The following GALNT5 variants were observed in gnomAD, a reference collection of about 807,000 sequenced individuals.
GALNT5 encodes the protein polypeptide N-acetylgalactosaminyltransferase 5, also known as UDP-GalNAc:polypeptide N-acetylgalactosaminyltransferase 5.
In GALNT5, 72 loss-of-function variants were observed where a neutral mutation model predicts 85.4. The observed-to-expected ratio is 0.84, with a 90% CI of 0.70 to 1.03. GALNT5 has a LOEUF of 1.03. Among genes scored for constraint, GALNT5 ranks in the 50% least tolerant of loss-of-function variants. GALNT5 has a pLI of 0.00. For missense variants in GALNT5, 1,137 were observed against 1,135.5 expected, an observed-to-expected ratio of 1.00 and a Z score of -0.02; for synonymous variants, 404 against 397.0, an observed-to-expected ratio of 1.02 and a Z score of -0.21.
rs1462166286 is a variant in GALNT5 at position 157,317,309 on chromosome 2, C to T, written c.*5961C>T. Among the ~76,000 whole-genome samples the T allele has an allele frequency of 6.6e-6, 1 of 151,610 alleles. No individual in the cohort carries two copies. The highest frequency in any genetic ancestry group is 1.5e-5 in the Non-Finnish European group (1 of 67,890). ...ATTTTTAACTCTTTCAGGTGTATAG[C>T]TTTGTCTGCATCTGGCCTTCTGCAC... On this transcript the variant is annotated 3_prime_UTR_variant, in exon 10 of 10. Coordinates refer to ENST00000259056, the MANE Select transcript of GALNT5 (RefSeq NM_014568.3).
At chr2:157,260,711 T>C (rs186148314) in intron 1 of GALNT5, among the ~76,000 whole-genome samples, 1 of 152,344 alleles carries the variant, frequency 6.6e-6, no homozygotes, top group East Asian at 1.9e-4. Context: ...TCAGTGTTAC[T>C]AGGAGGAAGG....
chr2:157,304,794 T>G (rs568045077), intron 7 of GALNT5, among the ~76,000 whole-genome samples: 2 of 152,300 alleles, frequency 1.3e-5, no homozygotes, highest in South Asian at 4.1e-4. Flanking sequence ...GCATGTAAAA[T>G]TGAGGACCAA....
At position 157,317,964 on chromosome 2, in the gene GALNT5, A is replaced by G. The variant is rs1683753907; in HGVS notation, c.*6616A>G. ...ATTGTAGGGGTTATCAGAAACCCAT[A>G]TTCATTGTGGTATGTTTCTGTCTGA... On this transcript the variant is annotated 3_prime_UTR_variant, in exon 10 of 10. Transcript: ENST00000259056. Among the ~76,000 whole-genome samples, 1 of 152,156 alleles carries G rather than the reference A, an allele frequency of 6.6e-6. No homozygotes were observed.
intron 2 of GALNT5, 87 bp downstream of exon 2, chr2:157,284,535 G>T: frequency 7.6e-6 from 7 of 915,240 alleles, no homozygotes; most frequent in South Asian, 1.4e-5. Flanking sequence ...AAAATTATAG[G>T]ATAATTTGAT....
Position 157,308,828 on chromosome 2 carries a change from T to G in GALNT5, c.2682+100T>G, listed in dbSNP as rs1683509580. 5 of 919,752 alleles carry G rather than the reference T, an allele frequency of 5.4e-6. No individual in the cohort carries two copies. In the East Asian group the frequency reaches 1.0e-4, roughly 19 times the overall value. 57.0% of individuals were successfully genotyped at this position (919,752 alleles called of 1,614,324 possible). On this transcript the variant is annotated intron_variant, in intron 9 of 9. Transcript: ENST00000259056. Reference sequence around the variant, plus strand: ...TCACCTTCCTCAGTCAGAAGTTTTGTGTGTTTGTGACCATGGGATTATGTA... The same window carrying G: ...TCACCTTCCTCAGTCAGAAGTTTTGGGTGTTTGTGACCATGGGATTATGTA...
At position 157,290,109 on chromosome 2, in the gene GALNT5, ATATAC is replaced by A. The variant is rs1683065810; in HGVS notation, c.1741+3976_1741+3980del. On this transcript the variant is annotated intron_variant, in intron 3 of 9. Coordinates refer to ENST00000259056, the MANE Select transcript of GALNT5 (RefSeq NM_014568.3). ...AATGTATATATATATATATATATATATATACATACACAAACACATATATACATATA... is the reference window on the plus strand; with the variant it reads ...AATGTATATATATATATATATATATAATACACAAACACATATATACATATA... 1.4e-5 allele frequency among the ~76,000 whole-genome samples: 2 copies of A among 146,050 alleles called. 1 individual carries two copies. The highest frequency in any genetic ancestry group is 4.2e-4 in the South Asian group (2 of 4,750).
intron 9 of GALNT5, 144 bp from the exon 10 acceptor site, chr2:157,311,064 T>A: frequency 1.5e-6 from 1 of 687,998 alleles, no homozygotes; most frequent in Non-Finnish European, 2.5e-6. Context: ...AAAGTCTGTG[T>A]TTATGTTAAT....
chr2:157,272,090 G>A (rs1424319376), intron 1 of GALNT5, among the ~76,000 whole-genome samples: 1 of 152,118 alleles, frequency 6.6e-6, no homozygotes, highest in African/African-American at 2.4e-5. Flanking sequence ...CTTGTTAATT[G>A]CATCAACTGC....
chr2:157,264,414 C>A (rs73966094), intron 1 of GALNT5, among the ~76,000 whole-genome samples: 1,640 of 152,242 alleles, frequency 0.011, 37 homozygotes, highest in African/African-American at 0.036. Flanking sequence ...AGAATTCTGG[C>A]GTGCTTGTCT....
intron 1 of GALNT5, among the ~76,000 whole-genome samples, chr2:157,274,895 A>G (rs1247371336): frequency 1.3e-5 from 2 of 152,206 alleles, no homozygotes; most frequent in Non-Finnish European, 2.9e-5. Flanking sequence ...TTAGTCATTA[A>G]GTCCTTGCCC....
chr2:157,274,144 G>T (rs1682664563), intron 1 of GALNT5, among the ~76,000 whole-genome samples: 1 of 152,102 alleles, frequency 6.6e-6, no homozygotes, highest in African/African-American at 2.4e-5. Context: ...TACCTACAAA[G>T]GACATGAACT....
chr2:157,317,586 T>G lies in GALNT5; in HGVS notation c.*6238T>G, dbSNP rs796855568. ...GCTAAGGGGAGAATAAAACTAAAACTGTGGAGTATAAAGGATGTTGGAATT... is the reference window on the plus strand; with the variant it reads ...GCTAAGGGGAGAATAAAACTAAAACGGTGGAGTATAAAGGATGTTGGAATT... On this transcript the variant is annotated 3_prime_UTR_variant, in exon 10 of 10. Coordinates refer to ENST00000259056, the MANE Select transcript of GALNT5 (RefSeq NM_014568.3). 3.5e-4 allele frequency among the ~76,000 whole-genome samples: 54 copies of G among 152,234 alleles called. No homozygotes were observed. Among genetic ancestry groups the G allele is most frequent in the African/African-American group, 1.2e-3 (49 of 41,576 alleles).
At chr2:157,300,623 A>G in intron 6 of GALNT5, 53 bp from the exon 7 acceptor site, 1 of 1,401,414 alleles carries the variant, frequency 7.1e-7, no homozygotes, top group Non-Finnish European at 1.0e-6. Flanking sequence ...TTAAGTGCCG[A>G]TGATTTGTGG....
intron 1 of GALNT5, among the ~76,000 whole-genome samples, chr2:157,268,499 T>C (rs1682508403): frequency 6.6e-6 from 1 of 152,234 alleles, no homozygotes; most frequent in South Asian, 2.1e-4. Context: ...TTACATCCAT[T>C]ATCTCATCAA....
chr2:157,311,175 T>G (rs989535692), intron 9 of GALNT5, 33 bp from the exon 10 acceptor site: 1 of 1,568,222 alleles, frequency 6.4e-7, no homozygotes, highest in South Asian at 1.1e-5. Flanking sequence ...AAATTCAGCC[T>G]GTGGCTCATT....
At chr2:157,282,044 T>G (rs772726043) in intron 1 of GALNT5, among the ~76,000 whole-genome samples, 7 of 152,222 alleles carry the variant, frequency 4.6e-5, no homozygotes, top group Non-Finnish European at 5.9e-5. Context: ...GAATATCTTC[T>G]CATATTATTC....
intron 3 of GALNT5, among the ~76,000 whole-genome samples, chr2:157,288,764 A>C (rs1035519273): frequency 3.9e-5 from 6 of 152,084 alleles, no homozygotes; most frequent in African/African-American, 1.4e-4. Flanking sequence ...TAGAGAATGG[A>C]TATTAGGAAG....
chr2:157,268,056 T>C (rs543607299), intron 1 of GALNT5, among the ~76,000 whole-genome samples: 1 of 152,190 alleles, frequency 6.6e-6, no homozygotes, highest in Non-Finnish European at 1.5e-5. Context: ...TGAAGGCCCC[T>C]GAAGGCTCAC....
At position 157,261,286 on chromosome 2, in the gene GALNT5, G is replaced by A. The variant is rs114064843; in HGVS notation, c.1454+1750G>A. On this transcript the variant is annotated intron_variant, in intron 1 of 9. Transcript: ENST00000259056. Reference sequence around the variant, plus strand: ...ACCAGAGAAAAGGCACATGCGTGGCGGGGGTGGGGGTGCTCAAAGCAAGTA... The same window carrying A: ...ACCAGAGAAAAGGCACATGCGTGGCAGGGGTGGGGGTGCTCAAAGCAAGTA... Among the ~76,000 whole-genome samples, 240 of 152,284 alleles carry A rather than the reference G, an allele frequency of 1.6e-3. 3 individuals carry two copies. Among genetic ancestry groups the A allele is most frequent in the African/African-American group, 5.6e-3 (231 of 41,570 alleles).
Sources: gnomAD v4.1 joint callset for allele counts (sites outside exome capture counted in the v4.1 genomes callset) on GRCh38, gnomAD v4.1.1 for gene constraint, MANE v1.5 for transcripts, NCBI Gene and HGNC (gene_info 2026-07-23, HGNC 2026-07-21) for gene names.